The following GPHN variants were observed in gnomAD, a reference collection of about 807,000 sequenced individuals.
GPHN encodes gephyrin.
In GPHN, 17 loss-of-function variants were observed where a neutral mutation model predicts 95.5. The observed-to-expected ratio is 0.18, with a 90% confidence interval of 0.12 to 0.27. The LOEUF (loss-of-function observed/expected upper bound fraction) is 0.27. GPHN is among the 10% of genes least tolerant of loss of function. The probability of loss-of-function intolerance (pLI) is 1.00; values close to 1 mark genes in which losing one functional copy is unlikely to be tolerated. For synonymous variants in GPHN, 320 were observed against 322.5 expected (o/e 0.99, Z 0.08); for missense variants, 660 against 978.1 (o/e 0.67, Z 4.34).
chr14:67,100,770 C>A lies in GPHN; in HGVS notation c.1238-86C>A. On this transcript the variant is annotated intron_variant, in intron 12 of 22. Transcript: ENST00000478722. ...CTAAGCCTTATCAAATAATTTGAGT[C>A]AAATTTTAGAATTCCAATTTTAGGT... 3 of 892,054 alleles carry A rather than the reference C, an allele frequency of 3.4e-6. No individual in the cohort carries two copies. In the South Asian group the frequency reaches 4.0e-5, roughly 12 times the overall value. 55.3% of individuals were successfully genotyped at this position (892,054 alleles called of 1,614,324 possible).
chr14:67,458,539 A>G, the GPHN span, among the ~76,000 whole-genome samples: 1 of 152,184 alleles, frequency 6.6e-6, no homozygotes, highest in East Asian at 1.9e-4. Context: ...GATACTAGTC[A>G]AAAGCCTGTG....
chr14:67,333,132 A>G, the GPHN span: 1 of 547,662 alleles, frequency 1.8e-6, no homozygotes, highest in Non-Finnish European at 3.2e-6. Flanking sequence ...CAGTTTGTGC[A>G]TGGCATCCTT....
chr14:66,838,558 C>T (rs1267072072), intron 4 of GPHN, among the ~76,000 whole-genome samples: 1 of 152,068 alleles, frequency 6.6e-6, no homozygotes, highest in Non-Finnish European at 1.5e-5. Context: ...TGAAAAGAGG[C>T]TAGCATACCA....
intron 1 of GPHN, among the ~76,000 whole-genome samples, chr14:66,577,802 T>G (rs1307597316): frequency 6.6e-6 from 1 of 152,008 alleles, no homozygotes; most frequent in Non-Finnish European, 1.5e-5. Context: ...GTGACTAAAT[T>G]TTACCATATG....
chr14:67,453,099 C>T, the GPHN span, among the ~76,000 whole-genome samples: 48 of 152,330 alleles, frequency 3.2e-4, no homozygotes, highest in Middle Eastern at 3.4e-3. Context: ...AGTGACATGT[C>T]GCCCCAGGAA....
intron 1 of GPHN, among the ~76,000 whole-genome samples, chr14:66,594,904 C>T (rs1297127760): frequency 6.6e-6 from 1 of 151,974 alleles, no homozygotes; most frequent in Non-Finnish European, 1.5e-5. Flanking sequence ...GTATGTGAGA[C>T]CATATGTCTG....
the GPHN span, among the ~76,000 whole-genome samples, chr14:67,362,485 G>A: frequency 6.6e-6 from 1 of 152,092 alleles, no homozygotes; most frequent in Non-Finnish European, 1.5e-5. Flanking sequence ...ACGTATACAT[G>A]TGATACCCTC....
At chr14:67,585,467 T>G in the GPHN span, 2 of 758,680 alleles carry the variant, frequency 2.6e-6, no homozygotes. Context: ...TGGAAATCAC[T>G]GCTTAGCAGA....
intron 9 of GPHN, among the ~76,000 whole-genome samples, chr14:67,017,273 G>GA (rs2073367263): frequency 2.0e-5 from 3 of 152,048 alleles, no homozygotes; most frequent in Admixed American, 6.5e-5. Context: ...GGAACCATGG[G>GA]AAAAAACTTT....
At chr14:66,655,661 CTT>C (rs553551938) in intron 1 of GPHN, among the ~76,000 whole-genome samples, 1 of 145,758 alleles carries the variant, frequency 6.9e-6, no homozygotes. Flanking sequence ...GAGCATATAT[CTT>C]TTTTTTTTTG....
chr14:66,817,509 C>A (rs1404415149), intron 3 of GPHN, among the ~76,000 whole-genome samples: 1 of 152,106 alleles, frequency 6.6e-6, no homozygotes, highest in African/African-American at 2.4e-5. Context: ...TGTATTGTTA[C>A]ATTAAAAACC....
intron 2 of GPHN, among the ~76,000 whole-genome samples, chr14:66,684,773 T>C (rs1431308600): frequency 6.6e-6 from 1 of 152,042 alleles, no homozygotes; most frequent in African/African-American, 2.4e-5. Flanking sequence ...TCTTATACTT[T>C]AAGTTCTAGG....
intron 18 of GPHN, among the ~76,000 whole-genome samples, chr14:67,152,738 G>A (rs1235886371): frequency 3.3e-5 from 5 of 152,098 alleles, no homozygotes; most frequent in African/African-American, 9.7e-5. Context: ...AGGCCGAGGC[G>A]GGCAGATCAC....
chr14:67,562,204 C>A, the GPHN span: 1 of 1,611,466 alleles, frequency 6.2e-7, no homozygotes. Context: ...AGGATTCTGT[C>A]CCTTCAGAGC....
chr14:67,397,838 C>A, the GPHN span: 3 of 1,599,572 alleles, frequency 1.9e-6, no homozygotes, highest in East Asian at 2.2e-5. Flanking sequence ...TATGGACAGA[C>A]AAGAAAGCCC....
At chr14:67,423,198 A>G in the GPHN span, among the ~76,000 whole-genome samples, 3 of 152,034 alleles carry the variant, frequency 2.0e-5, no homozygotes, top group South Asian at 2.1e-4. Context: ...CATTCTCTCA[A>G]AACTGTGTCC....
At chr14:66,691,529 A>G (rs1330594776) in intron 2 of GPHN, among the ~76,000 whole-genome samples, 1 of 152,202 alleles carries the variant, frequency 6.6e-6, no homozygotes, top group Non-Finnish European at 1.5e-5. Flanking sequence ...TGAATATTTT[A>G]TAGTACATGA....
intron 8 of GPHN, among the ~76,000 whole-genome samples, chr14:66,954,711 G>T (rs1438188421): frequency 6.6e-6 from 1 of 152,176 alleles, no homozygotes; most frequent in Non-Finnish European, 1.5e-5. Flanking sequence ...TTTAGGGGAA[G>T]TTTTCAGTCT....
chr14:67,008,385 G>C (rs1236462301), intron 9 of GPHN, among the ~76,000 whole-genome samples: 1 of 151,546 alleles, frequency 6.6e-6, no homozygotes, highest in Non-Finnish European at 1.5e-5. Flanking sequence ...GAACCCGGGA[G>C]GTGGAGGTTG....
Sources: allele counts gnomAD v4.1 joint callset (sites outside exome capture counted in the v4.1 genomes callset), GRCh38; gene constraint gnomAD v4.1.1; transcripts MANE v1.5; gene names NCBI Gene and HGNC (gene_info 2026-07-23, HGNC 2026-07-21).